The following STX8 variants were observed in gnomAD, a reference collection of about 807,000 sequenced individuals.
STX8 encodes the protein syntaxin 8.
Under a neutral mutation model 37.5 loss-of-function variants are expected in STX8, and 23 were observed. That is an observed-to-expected ratio of 0.61 (90% confidence interval 0.44 to 0.87). STX8 has a LOEUF of 0.87. Among genes scored for constraint, STX8 ranks in the 40% least tolerant of loss-of-function variants. The pLI, the probability that STX8 is intolerant of heterozygous loss-of-function variation, is 0.00. For missense variants in STX8, 313 were observed against 284.7 expected (o/e 1.10, Z -0.71); for synonymous variants, 115 against 99.1 (o/e 1.16, Z -0.95).
At chr17:9,315,998 G>C (rs1597600374) in intron 7 of STX8, among the ~76,000 whole-genome samples, 1 of 149,336 alleles carries the variant, frequency 6.7e-6, no homozygotes, top group East Asian at 1.9e-4. Context: ...CTGGGTGATA[G>C]AGTGAGACTC....
At chr17:9,253,720 C>G (rs1360746354) in intron 7 of STX8, among the ~76,000 whole-genome samples, 2 of 152,044 alleles carry the variant, frequency 1.3e-5, no homozygotes, top group Non-Finnish European at 2.9e-5. Flanking sequence ...ACACTTGGGC[C>G]CAGAAGCTCC....
chr17:9,375,867 C>T (rs1439665422), intron 7 of STX8, among the ~76,000 whole-genome samples: 1 of 152,124 alleles, frequency 6.6e-6, no homozygotes, highest in Non-Finnish European at 1.5e-5. Context: ...GGAGTTTAGG[C>T]TTTCCTGAGG....
In STX8 at chr17:9,507,446, C is replaced by G. The variant is rs1039737170; in HGVS notation, c.324-2284G>C. On this transcript the variant is annotated intron_variant, in intron 4 of 7. Transcript: ENST00000306357. The surrounding 1 kb of genome is among the most constrained non-coding windows in gnomAD (Gnocchi z 4.0). ...CTGGCAGACATGCCCCCGGGGCCAT[C>G]AAGCAGACTTATGCCCACCTCTCAT... Among the ~76,000 whole-genome samples the G allele has an allele frequency of 3.9e-5, 6 of 152,228 alleles. No individual in the cohort carries two copies. Among genetic ancestry groups the G allele is most frequent in the African/African-American group, 1.4e-4 (6 of 41,456 alleles).
chr17:9,453,972 G>A (rs539785711), intron 6 of STX8, among the ~76,000 whole-genome samples: 13 of 152,176 alleles, frequency 8.5e-5, no homozygotes, highest in South Asian at 8.3e-4. Flanking sequence ...CTGGGAAACC[G>A]CTCTCACATG....
intron 6 of STX8, among the ~76,000 whole-genome samples, chr17:9,488,202 T>C (rs905541297): frequency 6.6e-6 from 1 of 152,060 alleles, no homozygotes; most frequent in African/African-American, 2.4e-5. Flanking sequence ...GGCAGGCGCC[T>C]GTAATCCCAG....
intron 1 of STX8, among the ~76,000 whole-genome samples, chr17:9,571,630 C>G (rs543953489): frequency 7.0e-6 from 1 of 143,860 alleles, no homozygotes; most frequent in Admixed American, 7.2e-5. Flanking sequence ...GTAATCTGGG[C>G]CGGGCATAGG....
intron 7 of STX8, among the ~76,000 whole-genome samples, chr17:9,276,802 A>AT (rs1334918956): frequency 6.7e-6 from 1 of 148,334 alleles, no homozygotes; most frequent in Non-Finnish European, 1.5e-5. Context: ...CGCTCGGCTA[A>AT]TTTTTTTGTG....
chr17:9,304,401 C>T (rs921876504), intron 7 of STX8, among the ~76,000 whole-genome samples: 6 of 150,404 alleles, frequency 4.0e-5, no homozygotes, highest in African/African-American at 1.5e-4. Context: ...TGGCGCATGC[C>T]TGTAATCCCA....
intron 7 of STX8, among the ~76,000 whole-genome samples, chr17:9,280,027 C>G (rs1450383422): frequency 6.6e-6 from 1 of 152,090 alleles, no homozygotes; most frequent in Non-Finnish European, 1.5e-5. Flanking sequence ...TTGAGACCAG[C>G]CTGGGCAACA....
intron 5 of STX8, among the ~76,000 whole-genome samples, chr17:9,500,546 G>C (rs1277317754): frequency 6.6e-6 from 1 of 152,170 alleles, no homozygotes; most frequent in African/African-American, 2.4e-5. Context: ...AGAGTACTCT[G>C]TAGATCTGCA....
chr17:9,550,316 T>C (rs2142580345), intron 3 of STX8, among the ~76,000 whole-genome samples: 1 of 151,786 alleles, frequency 6.6e-6, no homozygotes, highest in Non-Finnish European at 1.5e-5. Context: ...AGGAAGAAGA[T>C]AAGAGAACAG....
intron 7 of STX8, among the ~76,000 whole-genome samples, chr17:9,295,667 C>A (rs1489325139): frequency 6.6e-6 from 1 of 151,694 alleles, no homozygotes; most frequent in African/African-American, 2.4e-5. Flanking sequence ...CACTTGAAAC[C>A]AGGAGGCAGA....
intron 7 of STX8, among the ~76,000 whole-genome samples, chr17:9,255,886 G>A (rs1419303882): frequency 1.3e-5 from 2 of 152,162 alleles, no homozygotes; most frequent in East Asian, 1.9e-4. Context: ...ACCTTAGCAC[G>A]GCAATCCTTT....
At chr17:9,458,337 G>C (rs67802731) in intron 6 of STX8, among the ~76,000 whole-genome samples, 39,256 of 152,040 alleles carry the variant, frequency 0.26, 5,820 homozygotes, top group East Asian at 0.7. Flanking sequence ...TTTTAGTAGA[G>C]ATGGGGTTTC....
At chr17:9,256,052 C>T (rs569415635) in intron 7 of STX8, among the ~76,000 whole-genome samples, 5 of 152,196 alleles carry the variant, frequency 3.3e-5, no homozygotes, top group South Asian at 2.1e-4. Flanking sequence ...AACAGTCATG[C>T]GTGCCAGGTT....
chr17:9,419,008 C>T (rs1351437351), intron 6 of STX8, among the ~76,000 whole-genome samples: 7 of 149,364 alleles, frequency 4.7e-5, no homozygotes, highest in Admixed American at 3.4e-4. Context: ...ACTACAGCCT[C>T]AACCTCCTGG....
intron 6 of STX8, among the ~76,000 whole-genome samples, chr17:9,423,226 T>G (rs1454984844): frequency 6.6e-6 from 1 of 152,240 alleles, no homozygotes; most frequent in African/African-American, 2.4e-5. Context: ...GCACTGTCAA[T>G]AAGTGTTAGC....
intron 7 of STX8, among the ~76,000 whole-genome samples, chr17:9,337,763 G>A (rs12947856): frequency 0.15 from 22,711 of 152,154 alleles, 1,887 homozygotes; most frequent in African/African-American, 0.2. Context: ...AAAAGTTAGT[G>A]AAGGGAAATG....
chr17:9,425,547 C>T (rs566960371), intron 6 of STX8, among the ~76,000 whole-genome samples: 4 of 152,104 alleles, frequency 2.6e-5, no homozygotes, highest in East Asian at 1.9e-4. Flanking sequence ...CTACTGAGCA[C>T]GACACGGACT....
Sources: gnomAD v4.1 joint callset for allele counts (sites outside exome capture counted in the v4.1 genomes callset) on GRCh38, gnomAD v4.1.1 for gene constraint, Gnocchi (gnomAD v3.1) non-coding constraint, MANE v1.5 for transcripts, NCBI Gene and HGNC (gene_info 2026-07-23, HGNC 2026-07-21) for gene names.